The following TCF7L2 variants were observed in gnomAD, a reference collection of about 807,000 sequenced individuals.
TCF7L2 encodes the protein transcription factor 7-like 2.
Under a neutral mutation model 77.9 loss-of-function variants are expected in TCF7L2, and 23 were observed. The ratio of observed to expected loss-of-function variants is 0.30; its 90% CI spans 0.21 to 0.42. The LOEUF is 0.42. Ranked by LOEUF, TCF7L2 falls within the 10% of genes least tolerant of loss-of-function variation. The probability of loss-of-function intolerance (pLI) is 1.00; values close to 1 mark genes in which losing one functional copy is unlikely to be tolerated. For missense variants in TCF7L2, 654 were observed against 793.1 expected (o/e 0.82, Z 2.11); for synonymous variants, 413 against 340.2 (o/e 1.21, Z -2.36).
chr10:113,142,274 G>A (rs903797718), intron 6 of TCF7L2, among the ~76,000 whole-genome samples: 3 of 152,216 alleles, frequency 2.0e-5, no homozygotes, highest in African/African-American at 4.8e-5. Context: ...ACAGGCATGA[G>A]CCACCACACC....
At chr10:113,134,279 G>A (rs1026785570) in intron 5 of TCF7L2, among the ~76,000 whole-genome samples, 1 of 152,214 alleles carries the variant, frequency 6.6e-6, no homozygotes, top group Admixed American at 6.5e-5. Flanking sequence ...TTGGGGCCAC[G>A]GGAGGAAGTC....
chr10:113,093,431 G>A (rs576915516), intron 5 of TCF7L2, among the ~76,000 whole-genome samples: 1 of 152,328 alleles, frequency 6.6e-6, no homozygotes, highest in Admixed American at 6.5e-5. Context: ...GGGAGAAGGT[G>A]TTTGATCCTT....
At chr10:113,094,006 A>C (rs888823620) in intron 5 of TCF7L2, among the ~76,000 whole-genome samples, 1 of 151,984 alleles carries the variant, frequency 6.6e-6, no homozygotes, top group Non-Finnish European at 1.5e-5. Flanking sequence ...GAGATGGTGC[A>C]CTCTGTCCTG....
chr10:113,001,660 T>A (rs935107043), intron 4 of TCF7L2, among the ~76,000 whole-genome samples: 5 of 152,148 alleles, frequency 3.3e-5, no homozygotes, highest in African/African-American at 1.2e-4. Flanking sequence ...ATGGCTTGGG[T>A]GACCCCCCTA....
chr10:113,047,444 C>T (rs1311756091), intron 5 of TCF7L2, among the ~76,000 whole-genome samples: 2 of 152,160 alleles, frequency 1.3e-5, no homozygotes, highest in African/African-American at 2.4e-5. Context: ...CTCCCCAGGT[C>T]CTCCACCTTC....
chr10:112,960,884 T>C (rs1286874964), intron 3 of TCF7L2, among the ~76,000 whole-genome samples: 4 of 151,736 alleles, frequency 2.6e-5, no homozygotes, highest in African/African-American at 9.7e-5. Context: ...GTGGAGATGG[T>C]GTTTCGCCAT....
In TCF7L2 at chr10:113,118,797, TG is replaced by T. The variant is rs576662362; in HGVS notation, c.553-22386del. 3.7e-4 allele frequency among the ~76,000 whole-genome samples: 56 copies of T among 152,142 alleles called. 1 individual carries two copies. In the South Asian group the frequency reaches 0.011, roughly 31 times the overall value. ...GTGGCATGTTATCATAAAACTCAATTGCGATACTTTGTATTACGCTCTGGGA... is the reference window on the plus strand; with the variant it reads ...GTGGCATGTTATCATAAAACTCAATTCGATACTTTGTATTACGCTCTGGGA... On this transcript the variant is annotated intron_variant, in intron 5 of 13. Coordinates refer to ENST00000627217, the MANE Select transcript of TCF7L2 (RefSeq NM_001146274.2).
At chr10:113,073,954 C>T (rs1009638352) in intron 5 of TCF7L2, among the ~76,000 whole-genome samples, 8 of 152,164 alleles carry the variant, frequency 5.3e-5, no homozygotes, top group Admixed American at 3.3e-4. Flanking sequence ...AAGAGAGGCA[C>T]CAGGGTCGTG....
At chr10:113,119,686 A>G (rs2064450851) in intron 5 of TCF7L2, among the ~76,000 whole-genome samples, 1 of 151,910 alleles carries the variant, frequency 6.6e-6, no homozygotes, top group African/African-American at 2.4e-5. Flanking sequence ...TTTTTTAAAA[A>G]AACTTATCGA....
At chr10:112,966,486 C>T (rs1461686670) in intron 4 of TCF7L2, among the ~76,000 whole-genome samples, 1 of 152,052 alleles carries the variant, frequency 6.6e-6, no homozygotes, top group East Asian at 1.9e-4. Context: ...ACTCCTGGTG[C>T]CTGAGTGGAT....
At chr10:113,039,433 T>G (rs551282051) in intron 4 of TCF7L2, among the ~76,000 whole-genome samples, 4 of 152,330 alleles carry the variant, frequency 2.6e-5, no homozygotes, top group African/African-American at 7.2e-5. Context: ...GCCCTGTGCA[T>G]TTTTTACCAA....
At chr10:113,082,639 A>C (rs2059428906) in intron 5 of TCF7L2, among the ~76,000 whole-genome samples, 1 of 152,028 alleles carries the variant, frequency 6.6e-6, no homozygotes, top group Non-Finnish European at 1.5e-5. Flanking sequence ...ACGCACATGC[A>C]TGTGGCCTTT....
chr10:112,953,418 G>A (rs971866431), intron 3 of TCF7L2, among the ~76,000 whole-genome samples: 11 of 152,106 alleles, frequency 7.2e-5, no homozygotes, highest in Non-Finnish European at 1.6e-4. Context: ...AGCTTGTGGG[G>A]CATCTTAAAC....
chr10:113,105,001 T>G (rs2062104109), intron 5 of TCF7L2, among the ~76,000 whole-genome samples: 1 of 152,198 alleles, frequency 6.6e-6, no homozygotes, highest in South Asian at 2.1e-4. Context: ...GGGAAGATTG[T>G]GACAATAACT....
chr10:113,139,874 C>T (rs745343594), intron 5 of TCF7L2, among the ~76,000 whole-genome samples: 9 of 150,998 alleles, frequency 6.0e-5, no homozygotes, highest in Non-Finnish European at 1.2e-4. Flanking sequence ...GCTTAGTGAT[C>T]CCTCAGCTCA....
chr10:112,968,412 A>G lies in TCF7L2; in HGVS notation c.450+3788A>G, dbSNP rs531352913. Among the ~76,000 whole-genome samples, 11 of 152,262 alleles carry G rather than the reference A, an allele frequency of 7.2e-5. No individual in the cohort carries two copies. In the East Asian group the frequency reaches 1.7e-3, roughly 24 times the overall value. On this transcript the variant is annotated intron_variant, in intron 4 of 13. Transcript: ENST00000627217. ...AATGAATAGTAAATATGTTTTCTTT[A>G]TGATTTTCCTAATAACATTTTCTTT...
In TCF7L2 at chr10:112,951,498, A is replaced by G; in HGVS notation, c.272A>G (p.Asp91Gly). The G allele has an allele frequency of 2.1e-6, 3 of 1,435,534 alleles. No homozygotes were observed. The highest frequency in any genetic ancestry group is 2.8e-6 in the Non-Finnish European group (3 of 1,072,340). 88.9% of individuals were successfully genotyped at this position (1,435,534 alleles called of 1,614,324 possible). Residue 91 changes from aspartate to glycine, a missense_variant, in exon 3 of 14, where the codon GAT (aspartate) becomes GGT (glycine). This residue lies in a region of TCF7L2 where 132 missense variants were observed against 123.7 expected (regional missense o/e 1.07). Coordinates refer to ENST00000627217, the MANE Select transcript of TCF7L2 (RefSeq NM_001146274.2). ...GCCATGTTAGCGGCCAAGAGGCAAG[A>G]TGGAGGGCTCTTTAAGGGGCCACCG...
intron 5 of TCF7L2, among the ~76,000 whole-genome samples, chr10:113,064,368 G>T (rs1374621813): frequency 6.6e-6 from 1 of 152,184 alleles, no homozygotes; most frequent in Non-Finnish European, 1.5e-5. Flanking sequence ...ATCTGCTTCT[G>T]TTTTTCCTTT....
intron 4 of TCF7L2, among the ~76,000 whole-genome samples, chr10:113,020,220 C>T (rs1445513880): frequency 1.3e-5 from 2 of 152,198 alleles, no homozygotes; most frequent in Non-Finnish European, 2.9e-5. Context: ...CCAGAACGTG[C>T]CTGACCTACT....
Sources: allele counts gnomAD v4.1 joint callset (sites outside exome capture counted in the v4.1 genomes callset), GRCh38; gene constraint gnomAD v4.1.1; regional missense constraint gnomAD v4.1.1; transcripts MANE v1.5; gene names NCBI Gene and HGNC (gene_info 2026-07-23, HGNC 2026-07-21).